Variants in SRRM2 observed in about 807,000 individuals in gnomAD.
The protein encoded by SRRM2 is serine/arginine repetitive matrix 2.
SRRM2 carries 30 observed loss-of-function variants against 213.8 expected under a neutral mutation model. The ratio of observed to expected loss-of-function variants is 0.14; its 90% confidence interval spans 0.10 to 0.19. SRRM2 has a LOEUF of 0.19. Ranked by LOEUF, SRRM2 falls within the 10% of genes least tolerant of loss-of-function variation. The pLI is 1.00. For missense variants in SRRM2, 4,904 were observed against 3,647.0 expected, an observed-to-expected ratio of 1.34 and a Z score of -8.88; for synonymous variants, 2,025 against 1,377.7, an observed-to-expected ratio of 1.47 and a Z score of -10.40.
intron 11 of SRRM2, chr16:2,768,484 A>G (rs780043535): frequency 2.6e-5 from 18 of 685,806 alleles, no homozygotes; most frequent in East Asian, 1.1e-4. Flanking sequence ...GAGGATAATG[A>G]TAAGTTTTCC....
At chr16:2,754,767 G>T (rs2068081682) in intron 1 of SRRM2, among the ~76,000 whole-genome samples, 1 of 152,156 alleles carries the variant, frequency 6.6e-6, no homozygotes, top group African/African-American at 2.4e-5. Flanking sequence ...AGGAGGATTG[G>T]TACTAGAAGA....
Position 2,760,298 on chromosome 16 carries a change from C to T in SRRM2, c.834-3C>T. ...CTCCCACGTCCTCAATTAACTCCTG[C>T]AGGTCTCGAAGTGCTGCAGCTAAAA... On this transcript the variant is annotated splice_polypyrimidine_tract_variant and splice_region_variant and intron_variant, in intron 9 of 14. Transcript: ENST00000301740. 6.2e-7 allele frequency: 1 copy of T among 1,612,304 alleles called. No homozygotes were observed. The highest frequency in any genetic ancestry group is 8.5e-7 in the Non-Finnish European group (1 of 1,179,738).
chr16:2,770,946 G>A lies in SRRM2; in HGVS notation c.*79G>A. The A allele has an allele frequency of 1.3e-6, 2 of 1,586,782 alleles. No homozygotes were observed. The highest frequency in any genetic ancestry group is 1.7e-6 in the Non-Finnish European group (2 of 1,160,466). On this transcript the variant is annotated 3_prime_UTR_variant, in exon 15 of 15. Coordinates refer to ENST00000301740, the MANE Select transcript of SRRM2 (RefSeq NM_016333.4). ...CCCTTCTTCCCCAGCAGAGCCGTGG[G>A]AGGGTCCTTGTCTGCTCTCCTTTGA...
intron 12 of SRRM2, 142 bp downstream of exon 12, chr16:2,769,426 C>G: frequency 2.1e-6 from 2 of 959,120 alleles, no homozygotes; most frequent in Non-Finnish European, 1.6e-6. Flanking sequence ...TTGCTCTCCT[C>G]TCCCCATGCT....
Position 2,756,347 on chromosome 16 carries a change from C to A in SRRM2, c.-18C>A, listed in dbSNP as rs771206202. On this transcript the variant is annotated 5_prime_UTR_variant, in exon 2 of 15. Coordinates refer to ENST00000301740, the MANE Select transcript of SRRM2 (RefSeq NM_016333.4). ...GCTCCCCCTCAGGAGCGGTGGTGCC[C>A]CCCCCGGGCACGGGGCCATGTACAA... 1 of 1,585,234 alleles carries A rather than the reference C, an allele frequency of 6.3e-7. No individual in the cohort carries two copies. Among genetic ancestry groups the A allele is most frequent in the Non-Finnish European group, 8.6e-7 (1 of 1,169,428 alleles).
At position 2,767,480 on chromosome 16, in the gene SRRM2, C is replaced by A. The variant is rs1192167609; in HGVS notation, c.6952C>A (p.Pro2318Thr). The change falls in exon 11 of 15, where the codon CCA becomes ACA. Residue 2318 changes from proline (P) to threonine (T), a missense_variant. Coordinates refer to ENST00000301740, the MANE Select transcript of SRRM2 (RefSeq NM_016333.4). Reference protein sequence around the residue: ...ALSLTGSGTPPTAANYPSSSR... With the variant: ...ALSLTGSGTPTTAANYPSSSR... Reference sequence around the variant, plus strand: ...GAGTCTCACAGGCTCTGGCACACCACCAACTGCTGCAAACTATCCCTCCAG... The same window carrying A: ...GAGTCTCACAGGCTCTGGCACACCAACAACTGCTGCAAACTATCCCTCCAG... The A allele has an allele frequency of 6.2e-7, 1 of 1,614,206 alleles. No homozygotes were observed. Among genetic ancestry groups the A allele is most frequent in the Non-Finnish European group, 8.5e-7 (1 of 1,180,018 alleles).
chr16:2,764,298 C>G lies in SRRM2; in HGVS notation c.3770C>G (p.Ser1257Cys), dbSNP rs750188619. ...EPAGQILSHLSSELKEMSTSN... is the reference protein window; with the variant it reads ...EPAGQILSHLCSELKEMSTSN... ...GCAGGCCAAATCCTGTCTCATTTGT[C>G]TTCAGAACTTAAAGAAATGTCCACA... Residue 1257 changes from serine to cysteine, a missense_variant, in exon 11 of 15, where the codon TCT becomes TGT. Ser to Cys is a moderately radical substitution (Grantham distance 112). Coordinates refer to ENST00000301740, the MANE Select transcript of SRRM2 (RefSeq NM_016333.4). 6.2e-7 allele frequency: 1 copy of G among 1,614,066 alleles called. No individual in the cohort carries two copies. Among genetic ancestry groups the G allele is most frequent in the East Asian group, 2.2e-5 (1 of 44,890 alleles).
At chr16:2,770,583 G>A (rs1171095845) in intron 13 of SRRM2, 21 bp from the exon 14 acceptor site, 1 of 1,552,602 alleles carries the variant, frequency 6.4e-7, no homozygotes, top group African/African-American at 1.4e-5. Flanking sequence ...CCTGTGGCCT[G>A]ATGTCTGTCC....
In SRRM2 at chr16:2,766,231, G is replaced by A; in HGVS notation, c.5703G>A (p.Arg1901=). Residue 1901 remains arginine (R), a synonymous_variant, in exon 11 of 15, where the codon AGG becomes AGA. Transcript: ENST00000301740. This position sits in a 1 kb window ranked among gnomAD's most constrained non-coding sequence, Gnocchi z 7.0. ...CACCAGTCAGCCGGAGACGGTCAAG[G>A]TCCAGGACTTCAGTGACTCGACGAA... is the stretch of plus-strand genomic sequence containing the variant. ...RTSPVSRRRS[R]SRTSVTRRRS... 1 of 1,614,160 alleles carries A rather than the reference G, an allele frequency of 6.2e-7. No individual in the cohort carries two copies. Among genetic ancestry groups the A allele is most frequent in the Non-Finnish European group, 8.5e-7 (1 of 1,180,034 alleles).
Position 2,767,279 on chromosome 16 carries a change from C to G in SRRM2, c.6751C>G (p.Pro2251Ala). ...AGCCAGCGCCAGGACACCTGCCATT[C>G]CAACAGCAGTGAACCTGGCTGACTC... is the stretch of plus-strand genomic sequence containing the variant. ...NLASARTPAI[P>A]TAVNLADSRT... The change falls in exon 11 of 15, where the codon CCA (proline) becomes GCA (alanine). Residue 2251 changes from proline (P) to alanine (A), a missense_variant. Coordinates refer to ENST00000301740, the MANE Select transcript of SRRM2 (RefSeq NM_016333.4). 2 of 1,614,072 alleles carry G rather than the reference C, an allele frequency of 1.2e-6. No homozygotes were observed. The highest frequency in any genetic ancestry group is 1.7e-6 in the Non-Finnish European group (2 of 1,180,038).
intron 1 of SRRM2, among the ~76,000 whole-genome samples, 195 bp from the exon 2 acceptor site, chr16:2,756,139 A>G (rs1315692249): frequency 6.6e-6 from 1 of 152,240 alleles, no homozygotes; most frequent in Non-Finnish European, 1.5e-5. Flanking sequence ...GTGATTTGGT[A>G]GAAAGGAAAT....
intron 1 of SRRM2, chr16:2,753,374 G>A (rs939726328): frequency 1.3e-5 from 2 of 152,256 alleles, no homozygotes; most frequent in Non-Finnish European, 2.9e-5. Context: ...ATAGGCCCCC[G>A]GCGCTGCGGG....
chr16:2,763,605 T>G lies in SRRM2; in HGVS notation c.3077T>G (p.Val1026Gly). The change falls in exon 11 of 15, where the codon GTT (valine) becomes GGT (glycine). Residue 1026 changes from valine to glycine, a missense_variant. By Grantham distance (109) the Val-to-Gly change is moderately radical. Coordinates refer to ENST00000301740, the MANE Select transcript of SRRM2 (RefSeq NM_016333.4). ...CAAGAGAAGTCTAAAGACTCACTAG[T>G]TCAAAGTTGCCCTGGATCCCTCTCT... ...CPQEKSKDSL[V>G]QSCPGSLSLC... is the part of the protein sequence containing the mutation. 1 of 1,614,064 alleles carries G rather than the reference T, an allele frequency of 6.2e-7. No individual in the cohort carries two copies. The highest frequency in any genetic ancestry group is 8.5e-7 in the Non-Finnish European group (1 of 1,180,020).
chr16:2,760,087 AGAGG>A (rs1450508653), intron 9 of SRRM2: 9 of 602,588 alleles, frequency 1.5e-5, no homozygotes, highest in Non-Finnish European at 2.6e-5. Flanking sequence ...GTAAAGGGGT[AGAGG>A]GAGAACGCTC....
In SRRM2 at chr16:2,756,331, C is replaced by T. The variant is rs781314433; in HGVS notation, c.-31-3C>T. 4 of 1,565,544 alleles carry T rather than the reference C, an allele frequency of 2.6e-6. No individual in the cohort carries two copies. Among genetic ancestry groups the T allele is most frequent in the African/African-American group, 1.4e-5 (1 of 73,832 alleles). The stretch of plus-strand genomic sequence containing the variant: ...TGACCCGTGTCTCCCCGCTCCCCCT[C>T]AGGAGCGGTGGTGCCCCCCCCGGGC... On this transcript the variant is annotated splice_polypyrimidine_tract_variant and splice_region_variant and intron_variant, in intron 1 of 14. Transcript: ENST00000301740.
chr16:2,758,911 A>G, intron 5 of SRRM2, 74 bp from the exon 6 acceptor site: 1 of 1,560,306 alleles, frequency 6.4e-7, no homozygotes, highest in Non-Finnish European at 8.8e-7. Flanking sequence ...AAACCTTTTT[A>G]GGAGAGAGAT....
rs965187908 is a variant in SRRM2 at position 2,767,707 on chromosome 16, C to T, written c.7179C>T (p.Val2393=). The T allele has an allele frequency of 1.9e-6, 3 of 1,613,770 alleles. No individual in the cohort carries two copies. The African/African-American group carries it at 4.0e-5, about 22-fold the overall frequency. ...TGCCCCTTTCTGCCTACGAGCGTGT[C>T]AGTGGCAGAACCTCACCACCGCTCC... ...PRVPLSAYER[V]SGRTSPPLLD... The change falls in exon 11 of 15, where the codon GTC becomes GTT. Residue 2393 remains valine (V), a synonymous_variant. Coordinates refer to ENST00000301740, the MANE Select transcript of SRRM2 (RefSeq NM_016333.4).
Position 2,769,183 on chromosome 16 carries a change from T to G in SRRM2, c.7920T>G (p.Ser2640=), listed in dbSNP as rs775877961. Residue 2640 remains serine (S), a synonymous_variant, in exon 12 of 15, where the codon TCT becomes TCG. Transcript: ENST00000301740. ...SSSSSSSSSS[S]SSSSSSSSPS... Reference sequence around the variant, plus strand: ...CCTCTTCTTCTTCTTCCTCCTCATCTTCCTCCTCCTCGTCGTCTTCCTCCC... The same window carrying G: ...CCTCTTCTTCTTCTTCCTCCTCATCGTCCTCCTCCTCGTCGTCTTCCTCCC... The G allele has an allele frequency of 2.5e-6, 4 of 1,611,150 alleles. No homozygotes were observed. Among genetic ancestry groups the G allele is most frequent in the Non-Finnish European group, 3.4e-6 (4 of 1,178,308 alleles).
Position 2,768,113 on chromosome 16 carries a change from G to A in SRRM2, c.7585G>A (p.Glu2529Lys). ...ATTAGCCGCCCTGCAGCCAGCAAAG[G>A]AGCGGCGGAGTTCCTCCTCGTCGTC... ...SALAALQPAK[E>K]RRSSSSSSSS... is the part of the protein sequence containing the mutation. Residue 2529 changes from glutamate to lysine, a missense_variant, in exon 11 of 15, where the codon GAG becomes AAG. Coordinates refer to ENST00000301740, the MANE Select transcript of SRRM2 (RefSeq NM_016333.4). 1.2e-6 allele frequency: 2 copies of A among 1,614,140 alleles called. No individual in the cohort carries two copies. The highest frequency in any genetic ancestry group is 1.7e-6 in the Non-Finnish European group (2 of 1,180,014).
Sources: allele counts gnomAD v4.1 joint callset (sites outside exome capture counted in the v4.1 genomes callset), GRCh38; gene constraint gnomAD v4.1.1; non-coding constraint Gnocchi (gnomAD v3.1); transcripts MANE v1.5; gene names NCBI Gene and HGNC (gene_info 2026-07-23, HGNC 2026-07-21).